Variants in UTP4 observed in about 807,000 individuals in gnomAD.
The protein encoded by UTP4 is U3 small nucleolar RNA-associated protein 4 homolog.
Under a neutral mutation model 82.4 loss-of-function variants are expected in UTP4, and 45 were observed. The observed-to-expected ratio is 0.55, with a 90% CI of 0.43 to 0.70. UTP4 has a LOEUF of 0.70. Among genes scored for constraint, UTP4 ranks in the 30% least tolerant of loss-of-function variants. The pLI is 0.00. For synonymous variants in UTP4, 348 were observed against 300.3 expected (o/e 1.16, Z -1.64); for missense variants, 819 against 858.3 (o/e 0.95, Z 0.57).
chr16:69,148,413 A>G (rs1963177595), intron 6 of UTP4, among the ~76,000 whole-genome samples: 1 of 149,248 alleles, frequency 6.7e-6, no homozygotes, highest in Non-Finnish European at 1.5e-5. Flanking sequence ...TTGTATTTTT[A>G]ATAGAGACGG....
Position 69,133,664 on chromosome 16 carries a change from T to G in UTP4, c.159+46T>G, listed in dbSNP as rs745353330. 2.6e-5 allele frequency: 42 copies of G among 1,591,012 alleles called. No homozygotes were observed. In the African/African-American group the frequency reaches 5.1e-4, roughly 19 times the overall value. ...ATATGGTGTTTTGATGTTAATTTCT[T>G]CTGAAGTTCAAGAAGCTTGTATGTC... On this transcript the variant is annotated intron_variant, in intron 2 of 16. Coordinates refer to ENST00000314423, the MANE Select transcript of UTP4 (RefSeq NM_032830.3).
In UTP4 at chr16:69,143,091, C is replaced by T. The variant is rs528067544; in HGVS notation, c.527-87C>T. 8 of 1,397,136 alleles carry T rather than the reference C, an allele frequency of 5.7e-6. No individual in the cohort carries two copies. The African/African-American group carries it at 1.1e-4, about 20-fold the overall frequency. 86.5% of individuals were successfully genotyped at this position (1,397,136 alleles called of 1,614,324 possible). A position where few individuals can be genotyped will look rare whatever the true frequency, so the allele number is the denominator to read the frequency against. On this transcript the variant is annotated intron_variant, in intron 5 of 16. Transcript: ENST00000314423. ...TAGGCTGGCCTTAAACTCCAGGGCT[C>T]AAGCAGTCCTTCCACTTTGGCCGCA...
chr16:69,140,543 C>G (rs1962931451), intron 5 of UTP4, among the ~76,000 whole-genome samples: 1 of 152,126 alleles, frequency 6.6e-6, no homozygotes, highest in Admixed American at 6.5e-5. Flanking sequence ...TGGAGAAACC[C>G]TGTCTCTACT....
intron 8 of UTP4, among the ~76,000 whole-genome samples, chr16:69,151,745 TATGC>T (rs1206177227): frequency 6.6e-6 from 1 of 152,018 alleles, no homozygotes; most frequent in Non-Finnish European, 1.5e-5. Flanking sequence ...GGGCAGGAGA[TATGC>T]AGCAGCACAC....
intron 15 of UTP4, 185 bp from the exon 16 acceptor site, chr16:69,166,890 C>T (rs920748348): frequency 1.7e-6 from 1 of 596,296 alleles, no homozygotes; most frequent in Admixed American, 3.0e-5. Flanking sequence ...TTTTTTTCCC[C>T]CCTAGTTTTT....
rs1030510424 is a variant in UTP4 at position 69,143,039 on chromosome 16, G to T, written c.527-139G>T. On this transcript the variant is annotated intron_variant, in intron 5 of 16. Coordinates refer to ENST00000314423, the MANE Select transcript of UTP4 (RefSeq NM_032830.3). ...GCAGGCGGGTTTGTTATGTTGTTTC[G>T]TAGAGATGAGGTCTCACTTCGTTGC... The T allele has an allele frequency of 9.7e-6, 8 of 821,614 alleles. No homozygotes were observed. The East Asian group carries it at 1.8e-4, about 18-fold the overall frequency. The allele number at this position is 821,614 out of a possible 1,614,324, so 50.9% of individuals were successfully genotyped here. A position where few individuals can be genotyped will look rare whatever the true frequency, so the allele number is the denominator to read the frequency against.
chr16:69,168,723 C>T, intron 16 of UTP4, 98 bp from the exon 17 acceptor site: 2 of 826,830 alleles, frequency 2.4e-6, no homozygotes, highest in African/African-American at 1.7e-5. Flanking sequence ...TTGAACTAGG[C>T]TAACCTTTTA....
intron 5 of UTP4, 21 bp downstream of exon 5, chr16:69,139,935 A>T (rs761070994): frequency 1.0e-4 from 157 of 1,550,690 alleles, no homozygotes; most frequent in Middle Eastern, 8.4e-4. Flanking sequence ...TTTTCAGTTC[A>T]TTTGGGGTGT....
chr16:69,138,121 G>C (rs948258534), intron 4 of UTP4: 1 of 526,686 alleles, frequency 1.9e-6, no homozygotes. Context: ...TGGAAAGCTA[G>C]TGTTTCTGTG....
intron 6 of UTP4, among the ~76,000 whole-genome samples, chr16:69,149,514 G>T (rs571450570): frequency 1.3e-5 from 2 of 151,946 alleles, no homozygotes; most frequent in Non-Finnish European, 2.9e-5. Context: ...TCATGCCACT[G>T]CCCTCCAGCC....
Position 69,152,636 on chromosome 16 carries a change from A to AT in UTP4, c.1003-940dup, listed in dbSNP as rs1281104210. 4.2e-4 allele frequency among the ~76,000 whole-genome samples: 64 copies of AT among 150,646 alleles called. 4 individuals carry two copies. In the East Asian group the frequency reaches 6.8e-3, roughly 16 times the overall value. Reference sequence around the variant, plus strand: ...AGGCACCCGCCACCACGCCTAGGTAATTTTTTTTGTATTTTTAGTAGAGAC... The same window carrying AT: ...AGGCACCCGCCACCACGCCTAGGTAATTTTTTTTTGTATTTTTAGTAGAGAC... On this transcript the variant is annotated intron_variant, in intron 8 of 16. Transcript: ENST00000314423.
chr16:69,143,038 C>T (rs976634167), intron 5 of UTP4, 140 bp from the exon 6 acceptor site: 17 of 812,460 alleles, frequency 2.1e-5, no homozygotes, highest in East Asian at 5.0e-5. Context: ...TATGTTGTTT[C>T]GTAGAGATGA....
intron 14 of UTP4, 78 bp downstream of exon 14, chr16:69,163,256 G>A (rs1343748788): frequency 8.1e-7 from 1 of 1,232,244 alleles, no homozygotes; most frequent in Non-Finnish European, 1.2e-6. Flanking sequence ...GCAGTTGCGG[G>A]GAGCTTTTTT....
chr16:69,133,173 T>C (rs1962690572), intron 1 of UTP4, among the ~76,000 whole-genome samples: 2 of 152,124 alleles, frequency 1.3e-5, no homozygotes, highest in African/African-American at 4.8e-5. Flanking sequence ...GAGAGATGCT[T>C]GCTAAAATGC....
chr16:69,137,653 C>A (rs1962844180), intron 3 of UTP4, 148 bp from the exon 4 acceptor site: 2 of 637,076 alleles, frequency 3.1e-6, no homozygotes, highest in Non-Finnish European at 2.8e-6. Context: ...CTTTCTCTCA[C>A]AAATGATTTT....
At chr16:69,145,121 G>A (rs550541743) in intron 6 of UTP4, among the ~76,000 whole-genome samples, 1 of 151,858 alleles carries the variant, frequency 6.6e-6, no homozygotes, top group African/African-American at 2.4e-5. Flanking sequence ...CAGCCTGGGC[G>A]ACAAAAGCAG....
At position 69,143,073 on chromosome 16, in the gene UTP4, G is replaced by A. The variant is rs191682652; in HGVS notation, c.527-105G>A. 114 of 1,180,050 alleles carry A rather than the reference G, an allele frequency of 9.7e-5. No homozygotes were observed. The East Asian group carries it at 2.1e-3, about 21-fold the overall frequency. 73.1% of individuals were successfully genotyped at this position (1,180,050 alleles called of 1,614,324 possible). ...AGGTCTCACTTCGTTGCCTAGGCTG[G>A]CCTTAAACTCCAGGGCTCAAGCAGT... is the stretch of plus-strand genomic sequence containing the variant. On this transcript the variant is annotated intron_variant, in intron 5 of 16. Transcript: ENST00000314423.
Position 69,133,507 on chromosome 16 carries a change from A to C in UTP4, c.48A>C (p.Pro16=). 6.2e-7 allele frequency: 1 copy of C among 1,614,214 alleles called. No individual in the cohort carries two copies. The part of the protein sequence containing the change: ...VHRVRFFNYV[P]SGIRCVAYNN... ...GAGTACGTTTCTTTAATTATGTTCC[A>C]TCAGGAATCCGCTGTGTGGCTTACA... Residue 16 remains proline (P), a synonymous_variant, in exon 2 of 17, where the codon CCA becomes CCC. Coordinates refer to ENST00000314423, the MANE Select transcript of UTP4 (RefSeq NM_032830.3).
chr16:69,160,385 G>A lies in UTP4; in HGVS notation c.1474G>A (p.Val492Ile). ...AGTGGAGGCCATGTGTCTTTTGGCA[G>A]TCAGTCCAGATGGGAATTGGCTAGC... ...GTVEAMCLLAVSPDGNWLAAS... is the reference protein window; with the variant it reads ...GTVEAMCLLAISPDGNWLAAS... The change falls in exon 13 of 17, where the codon GTC becomes ATC. Residue 492 changes from valine to isoleucine, a missense_variant. By Grantham distance (29) the Val-to-Ile change is conservative (BLOSUM62 3). Transcript: ENST00000314423. 1.2e-6 allele frequency: 2 copies of A among 1,614,128 alleles called. No homozygotes were observed. The highest frequency in any genetic ancestry group is 1.7e-6 in the Non-Finnish European group (2 of 1,180,004).
Sources: allele counts gnomAD v4.1 joint callset (sites outside exome capture counted in the v4.1 genomes callset), GRCh38; gene constraint gnomAD v4.1.1; transcripts MANE v1.5; gene names NCBI Gene and HGNC (gene_info 2026-07-23, HGNC 2026-07-21).